Variants in MNAT1 observed in about 807,000 individuals in gnomAD.
MNAT1 encodes the protein CDK-activating kinase assembly factor MAT1.
Under a neutral mutation model 42.0 loss-of-function variants are expected in MNAT1, and 43 were observed. The observed-to-expected ratio is 1.02, with a 90% CI of 0.80 to 1.32. The LOEUF is 1.32. MNAT1 is among the 40% of genes most tolerant of loss of function. The pLI, the probability that MNAT1 is intolerant of heterozygous loss-of-function variation, is 0.00. For synonymous variants in MNAT1, 118 were observed against 120.0 expected (o/e 0.98, Z 0.11); for missense variants, 306 against 350.4 (o/e 0.87, Z 1.01).
rs903807357 is a variant in MNAT1 at position 60,968,475 on chromosome 14, T to C, written c.*126T>C. The C allele has an allele frequency of 6.6e-7, 1 of 1,513,104 alleles. No individual in the cohort carries two copies. The highest frequency in any genetic ancestry group is 1.7e-4 in the Middle Eastern group (1 of 5,822). 93.7% of individuals were successfully genotyped at this position (1,513,104 alleles called of 1,614,324 possible). A position where few individuals can be genotyped will look rare whatever the true frequency, so the allele number is the denominator to read the frequency against. ...TCCACTAGCAGCTGTGTTAAAGTAT[T>C]TATAAGGAGAAAATTTCAGAACTAA... On this transcript the variant is annotated 3_prime_UTR_variant, in exon 8 of 8. Coordinates refer to ENST00000261245, the MANE Select transcript of MNAT1 (RefSeq NM_002431.4).
At chr14:60,955,368 A>AT (rs1431415819) in intron 7 of MNAT1, among the ~76,000 whole-genome samples, 1 of 152,078 alleles carries the variant, frequency 6.6e-6, no homozygotes, top group Non-Finnish European at 1.5e-5. Flanking sequence ...TAAAAAAAAA[A>AT]TTATAGATTC....
intron 7 of MNAT1, among the ~76,000 whole-genome samples, chr14:60,935,936 G>C (rs569707298): frequency 2.0e-5 from 3 of 152,218 alleles, no homozygotes; most frequent in African/African-American, 4.8e-5. Context: ...AAGGTGAGTA[G>C]AACAGGATAT....
intron 1 of MNAT1, among the ~76,000 whole-genome samples, chr14:60,762,599 G>A (rs894258508): frequency 5.3e-5 from 8 of 151,382 alleles, no homozygotes; most frequent in African/African-American, 1.5e-4. Context: ...CCAGCTACCC[G>A]GGAGGCTGAG....
intron 7 of MNAT1, among the ~76,000 whole-genome samples, chr14:60,955,792 C>G (rs1203503581): frequency 6.6e-6 from 1 of 152,044 alleles, no homozygotes. Flanking sequence ...TCTGAGTTCT[C>G]CAATTTATTG....
At chr14:60,780,339 A>C in intron 1 of MNAT1, 1 of 1,570,190 alleles carries the variant, frequency 6.4e-7, no homozygotes, top group East Asian at 2.2e-5. Flanking sequence ...GAAAAGTCTC[A>C]GAAAGCTATT....
chr14:60,939,433 C>G (rs1264865476), intron 7 of MNAT1, among the ~76,000 whole-genome samples: 2 of 152,102 alleles, frequency 1.3e-5, no homozygotes, highest in Non-Finnish European at 2.9e-5. Flanking sequence ...TATGTTGTCT[C>G]TCTGTTCTCG....
intron 3 of MNAT1, among the ~76,000 whole-genome samples, chr14:60,805,571 C>T (rs1364110273): frequency 2.0e-5 from 3 of 152,154 alleles, no homozygotes; most frequent in Non-Finnish European, 2.9e-5. Flanking sequence ...GTTTATTCCT[C>T]CCTACCCCAA....
intron 7 of MNAT1, among the ~76,000 whole-genome samples, chr14:60,939,581 A>T (rs1339815527): frequency 6.6e-6 from 1 of 152,242 alleles, no homozygotes; most frequent in East Asian, 1.9e-4. Flanking sequence ...GTTTGATTGC[A>T]CTGTGGTCTG....
chr14:60,798,053 G>T (rs2032075847), intron 2 of MNAT1, 34 bp from the exon 3 acceptor site: 2 of 1,008,398 alleles, frequency 2.0e-6, no homozygotes, highest in Non-Finnish European at 3.1e-6. Context: ...GCAATGATAT[G>T]TAATATGTAG....
chr14:60,785,486 G>T (rs1034143719), intron 1 of MNAT1, among the ~76,000 whole-genome samples: 5 of 152,242 alleles, frequency 3.3e-5, no homozygotes, highest in Admixed American at 2.0e-4. Context: ...GATATACTTT[G>T]CTTTCAAGAA....
chr14:60,910,698 T>G (rs1309575023), intron 7 of MNAT1, among the ~76,000 whole-genome samples: 1 of 152,198 alleles, frequency 6.6e-6, no homozygotes, highest in Non-Finnish European at 1.5e-5. Flanking sequence ...GTGGATAAAC[T>G]TTTTGATGTG....
At chr14:60,881,810 T>C (rs1370461133) in intron 7 of MNAT1, among the ~76,000 whole-genome samples, 1 of 152,106 alleles carries the variant, frequency 6.6e-6, no homozygotes, top group Non-Finnish European at 1.5e-5. Flanking sequence ...ATTTTAGTTA[T>C]TTTCGAATGT....
intron 6 of MNAT1, among the ~76,000 whole-genome samples, chr14:60,831,488 C>G (rs2033213859): frequency 6.6e-6 from 1 of 152,134 alleles, no homozygotes. Flanking sequence ...TCATCCACGT[C>G]CTTGCAAAGG....
At chr14:60,838,532 T>C (rs2033458516) in intron 6 of MNAT1, among the ~76,000 whole-genome samples, 1 of 152,214 alleles carries the variant, frequency 6.6e-6, no homozygotes, top group South Asian at 2.1e-4. Flanking sequence ...GCTTTATTTT[T>C]CTAGTTTCTA....
At chr14:60,809,846 A>G (rs1352041636) in intron 4 of MNAT1, among the ~76,000 whole-genome samples, 1 of 152,006 alleles carries the variant, frequency 6.6e-6, no homozygotes, top group Non-Finnish European at 1.5e-5. Context: ...GTCTGGTTTT[A>G]GTATCAGGGT....
At chr14:60,791,987 T>C (rs2031837538) in intron 1 of MNAT1, among the ~76,000 whole-genome samples, 1 of 152,176 alleles carries the variant, frequency 6.6e-6, no homozygotes, top group Non-Finnish European at 1.5e-5. Flanking sequence ...TTCATCTTCT[T>C]TGGGCCAGTT....
chr14:60,740,239 C>T lies in MNAT1; in HGVS notation c.89+5288C>T, dbSNP rs1025890855. Among the ~76,000 whole-genome samples, 2 of 152,182 alleles carry T rather than the reference C, an allele frequency of 1.3e-5. No individual in the cohort carries two copies. The highest frequency in any genetic ancestry group is 4.8e-5 in the African/African-American group (2 of 41,440). ...TGTGCTAAATCTACTTTTTTCATCA[C>T]GCACGAGACGCAAAGTACAAGATAA... is the stretch of plus-strand genomic sequence containing the variant. On this transcript the variant is annotated intron_variant, in intron 1 of 7. Transcript: ENST00000261245. The surrounding 1 kb of genome is among the most constrained non-coding windows in gnomAD (Gnocchi z 4.1).
intron 1 of MNAT1, chr14:60,780,086 A>T: frequency 2.7e-6 from 4 of 1,463,908 alleles, no homozygotes; most frequent in Non-Finnish European, 3.8e-6. Flanking sequence ...TCAGCGTGGC[A>T]TTTATCCATC....
At chr14:60,746,945 C>T (rs1305622454) in intron 1 of MNAT1, among the ~76,000 whole-genome samples, 8,357 of 25,560 alleles carry the variant, frequency 0.33, 1,957 homozygotes, top group Non-Finnish European at 0.62. Flanking sequence ...CACACACACA[C>T]ACACACACAC....
Sources: gnomAD v4.1 joint callset for allele counts (sites outside exome capture counted in the v4.1 genomes callset) on GRCh38, gnomAD v4.1.1 for gene constraint, Gnocchi (gnomAD v3.1) non-coding constraint, MANE v1.5 for transcripts, NCBI Gene and HGNC (gene_info 2026-07-23, HGNC 2026-07-21) for gene names.